The following SDK1 variants were observed in gnomAD, a reference collection of about 807,000 sequenced individuals.
SDK1 encodes the protein protein sidekick-1.
SDK1 carries 157 observed loss-of-function variants against 245.5 expected under a neutral mutation model. The observed-to-expected ratio is 0.64, with a 90% CI of 0.56 to 0.73. The LOEUF is 0.73. Among genes scored for constraint, SDK1 ranks in the 30% least tolerant of loss-of-function variants. The pLI, the probability that SDK1 is intolerant of heterozygous loss-of-function variation, is 0.00. For synonymous variants in SDK1, 1,647 were observed against 1,278.5 expected (o/e 1.29, Z -6.15); for missense variants, 3,583 against 3,002.3 (o/e 1.19, Z -4.52).
intron 5 of SDK1, among the ~76,000 whole-genome samples, chr7:3,924,648 G>A (rs1779707051): frequency 6.6e-6 from 1 of 152,068 alleles, no homozygotes; most frequent in South Asian, 2.1e-4. Flanking sequence ...CTTTTTCCTC[G>A]GCCTCCCGGC....
intron 5 of SDK1, among the ~76,000 whole-genome samples, chr7:3,854,187 T>C (rs1780484660): frequency 6.6e-6 from 1 of 152,054 alleles, no homozygotes; most frequent in African/African-American, 2.4e-5. Context: ...CCAAAGGTTA[T>C]GTACGGTGTG....
At chr7:3,582,202 C>T (rs964688765) in intron 1 of SDK1, among the ~76,000 whole-genome samples, 1 of 151,716 alleles carries the variant, frequency 6.6e-6, no homozygotes, top group African/African-American at 2.4e-5. Flanking sequence ...AGGTCTGTCT[C>T]AGGTAGGTCT....
At chr7:4,104,263 G>A (rs896765514) in intron 22 of SDK1, among the ~76,000 whole-genome samples, 3 of 152,164 alleles carry the variant, frequency 2.0e-5, no homozygotes, top group South Asian at 2.1e-4. Context: ...GTCTCACCAC[G>A]TTGCCCAGGC....
At chr7:4,050,308 C>T (rs1789354666) in intron 18 of SDK1, among the ~76,000 whole-genome samples, 1 of 152,222 alleles carries the variant, frequency 6.6e-6, no homozygotes, top group South Asian at 2.1e-4. Flanking sequence ...GCCAGAAAGG[C>T]AGAAGTAGCT....
intron 4 of SDK1, among the ~76,000 whole-genome samples, chr7:3,713,132 G>C (rs1785096707): frequency 6.6e-6 from 1 of 152,198 alleles, no homozygotes; most frequent in South Asian, 2.1e-4. Flanking sequence ...AAGGCACCAG[G>C]AACCCTCTGC....
At chr7:3,373,496 A>G (rs1487015230) in intron 1 of SDK1, among the ~76,000 whole-genome samples, 1 of 152,246 alleles carries the variant, frequency 6.6e-6, no homozygotes, top group Non-Finnish European at 1.5e-5. Context: ...TAGTAAAAGG[A>G]TTGAAAGGTG....
chr7:4,102,865 C>T (rs898112935), intron 22 of SDK1, among the ~76,000 whole-genome samples: 6 of 151,768 alleles, frequency 4.0e-5, no homozygotes, highest in Admixed American at 1.3e-4. Flanking sequence ...CCTGAAGGAC[C>T]GCCCCTACCG....
At chr7:4,150,577 C>T (rs1780294029) in intron 30 of SDK1, among the ~76,000 whole-genome samples, 2 of 152,200 alleles carry the variant, frequency 1.3e-5, no homozygotes, top group Admixed American at 6.5e-5. Context: ...ACCCAGCCTC[C>T]GTGGCGCCCA....
intron 5 of SDK1, among the ~76,000 whole-genome samples, chr7:3,826,547 A>G (rs1289848975): frequency 6.6e-6 from 1 of 152,204 alleles, no homozygotes; most frequent in African/African-American, 2.4e-5. Flanking sequence ...CTTTCTTCCC[A>G]GAAATGCCGT....
At chr7:4,029,450 A>G (rs1583877786) in intron 17 of SDK1, among the ~76,000 whole-genome samples, 1 of 152,168 alleles carries the variant, frequency 6.6e-6, no homozygotes, top group Middle Eastern at 3.4e-3. Flanking sequence ...ACCTCAAGTA[A>G]TCTGCCCACC....
At position 3,675,450 on chromosome 7, in the gene SDK1, A is replaced by T. The variant is rs191257776; in HGVS notation, c.713+33345A>T. 1.6e-3 allele frequency among the ~76,000 whole-genome samples: 246 copies of T among 152,278 alleles called. 2 individuals are homozygous for T. Among genetic ancestry groups the T allele is most frequent in the African/African-American group, 5.7e-3 (236 of 41,554 alleles). ...AGATCATGTCAGTCTTCAAAATCAG[A>T]AATTTCCAGTTTCCTGTTTCATTCA... is the stretch of plus-strand genomic sequence containing the variant. On this transcript the variant is annotated intron_variant, in intron 4 of 44. Transcript: ENST00000404826.
intron 19 of SDK1, among the ~76,000 whole-genome samples, chr7:4,057,970 A>G (rs374535215): frequency 1.1e-3 from 160 of 152,378 alleles, no homozygotes; most frequent in South Asian, 0.01. Flanking sequence ...ATGTGCAGAT[A>G]TCAACATAAG....
chr7:3,380,161 T>C (rs1179722913), intron 1 of SDK1, among the ~76,000 whole-genome samples: 2 of 152,182 alleles, frequency 1.3e-5, no homozygotes, highest in Admixed American at 6.5e-5. Context: ...GTTCCTAAAA[T>C]GATGTTTATC....
chr7:3,615,467 T>G (rs1217293969), intron 1 of SDK1, among the ~76,000 whole-genome samples: 2 of 151,772 alleles, frequency 1.3e-5, no homozygotes, highest in African/African-American at 4.8e-5. Flanking sequence ...CGACAACTCC[T>G]GACTTTGAGT....
At chr7:3,829,204 A>C (rs1019830696) in intron 5 of SDK1, among the ~76,000 whole-genome samples, 4 of 152,208 alleles carry the variant, frequency 2.6e-5, no homozygotes, top group Non-Finnish European at 1.5e-5. Context: ...TATGATGAAA[A>C]AATGGTAGAT....
chr7:4,247,451 A>G (rs1046857725), intron 44 of SDK1, among the ~76,000 whole-genome samples: 1 of 152,216 alleles, frequency 6.6e-6, no homozygotes, highest in African/African-American at 2.4e-5. Context: ...ATCCTGCAAA[A>G]CTACCTGCCT....
intron 1 of SDK1, among the ~76,000 whole-genome samples, chr7:3,459,731 A>G (rs948147010): frequency 2.0e-5 from 3 of 152,234 alleles, no homozygotes; most frequent in African/African-American, 7.2e-5. Context: ...TCATGAATCA[A>G]GGGTAGTGAG....
chr7:3,414,013 G>C (rs1779290159), intron 1 of SDK1, among the ~76,000 whole-genome samples: 1 of 152,148 alleles, frequency 6.6e-6, no homozygotes. Flanking sequence ...GTGGAGAATG[G>C]ATTGGGAGGG....
intron 4 of SDK1, among the ~76,000 whole-genome samples, chr7:3,813,277 A>C: frequency 1.9e-5 from 2 of 106,600 alleles, no homozygotes; most frequent in South Asian, 3.6e-4. Context: ...CCACCCCACC[A>C]CAGTCCCCAG....
Sources: allele counts gnomAD v4.1 joint callset (sites outside exome capture counted in the v4.1 genomes callset), GRCh38; gene constraint gnomAD v4.1.1; transcripts MANE v1.5; gene names NCBI Gene and HGNC (gene_info 2026-07-23, HGNC 2026-07-21).